ST7: variants seen among roughly 807,000 people sequenced by gnomAD.
The protein encoded by ST7 is suppression of tumorigenicity 7, also known as suppressor of tumorigenicity 7 protein.
ST7 carries 28 observed loss-of-function variants against 78.7 expected under a neutral mutation model. The ratio of observed to expected loss-of-function variants is 0.36; its 90% confidence interval spans 0.26 to 0.49. The LOEUF is 0.49. ST7 is among the 20% of genes least tolerant of loss of function. The pLI is 0.99. For missense variants in ST7, 418 were observed against 696.0 expected (o/e 0.60, Z 4.49); for synonymous variants, 247 against 249.6 (o/e 0.99, Z 0.10).
At chr7:117,050,613 C>T (rs1021823030) in intron 1 of ST7, among the ~76,000 whole-genome samples, 3 of 152,070 alleles carry the variant, frequency 2.0e-5, no homozygotes, top group African/African-American at 7.2e-5. Context: ...ATATATTTTA[C>T]ACATTCATGA....
chr7:117,022,887 ATGTT>A (rs1388082837), intron 1 of ST7: 1 of 152,100 alleles, frequency 6.6e-6, no homozygotes. Flanking sequence ...ATTTTTGCCC[ATGTT>A]TATACCCATA....
In ST7 at chr7:117,073,645, CCTTAACTTCT is replaced by C. The variant is rs1040068304; in HGVS notation, c.152-26114_152-26105del. Among the ~76,000 whole-genome samples, 4 of 152,154 alleles carry C rather than the reference CCTTAACTTCT, an allele frequency of 2.6e-5. 1 individual carries two copies. Among genetic ancestry groups the C allele is most frequent in the African/African-American group, 9.7e-5 (4 of 41,430 alleles). On this transcript the variant is annotated intron_variant, in intron 1 of 15. Coordinates refer to ENST00000323984, the MANE Select transcript of ST7 (RefSeq NM_001369598.1). Reference sequence around the variant, plus strand: ...CTGCCACTACTCGTATGACTCAAGTCCTTAACTTCTCTATACCTGTTACCCCATCTGTAAA... The same window carrying C: ...CTGCCACTACTCGTATGACTCAAGTCCTATACCTGTTACCCCATCTGTAAA...
chr7:116,983,986 T>G (rs572630948), intron 1 of ST7, among the ~76,000 whole-genome samples: 6 of 152,308 alleles, frequency 3.9e-5, no homozygotes, highest in Non-Finnish European at 8.8e-5. Flanking sequence ...GTTCTTAAGG[T>G]GATATCGATC....
intron 1 of ST7, among the ~76,000 whole-genome samples, chr7:117,007,057 C>G (rs1207652987): frequency 6.6e-6 from 1 of 152,138 alleles, no homozygotes. Flanking sequence ...CCTACAGTGA[C>G]TTATAAGTGT....
intron 10 of ST7, among the ~76,000 whole-genome samples, chr7:117,178,902 TC>T (rs1308729960): frequency 6.6e-6 from 1 of 152,214 alleles, no homozygotes; most frequent in Non-Finnish European, 1.5e-5. Context: ...AGAGTCATTC[TC>T]CCTAAGATGA....
At chr7:116,968,515 G>T in intron 1 of ST7, 1 of 408,946 alleles carries the variant, frequency 2.4e-6, no homozygotes, top group South Asian at 1.7e-5. Flanking sequence ...CTTAGAAAAG[G>T]ACTTTATGTT....
chr7:117,026,758 C>G (rs1796202954), intron 1 of ST7, among the ~76,000 whole-genome samples: 1 of 152,148 alleles, frequency 6.6e-6, no homozygotes, highest in African/African-American at 2.4e-5. Context: ...CTTTGGGGGC[C>G]TGGATATCTG....
In ST7 at chr7:117,009,862, A is replaced by G. The variant is rs185159760; in HGVS notation, c.151+56171A>G. Among the ~76,000 whole-genome samples, 130 of 152,234 alleles carry G rather than the reference A, an allele frequency of 8.5e-4. 2 individuals carry two copies. The highest frequency in any genetic ancestry group is 8.5e-3 in the East Asian group (44 of 5,174). ...TTAGTTCTCTTGAGGCCACTGTAAGAAGGGAGTGGCCCTACAACCATGTAA... is the reference window on the plus strand; with the variant it reads ...TTAGTTCTCTTGAGGCCACTGTAAGGAGGGAGTGGCCCTACAACCATGTAA... On this transcript the variant is annotated intron_variant, in intron 1 of 15. Transcript: ENST00000323984.
chr7:116,958,138 G>T (rs1413780998), intron 1 of ST7, among the ~76,000 whole-genome samples: 1 of 151,338 alleles, frequency 6.6e-6, no homozygotes, highest in Non-Finnish European at 1.5e-5. Context: ...TGAGACTACA[G>T]GTGCACACCA....
intron 6 of ST7, 140 bp downstream of exon 6, chr7:117,132,100 AGT>A (rs987106714): frequency 1.2e-5 from 10 of 862,462 alleles, no homozygotes; most frequent in African/African-American, 3.4e-5. Flanking sequence ...TATTTAAAAA[AGT>A]TTTTTTTTTA....
chr7:117,056,458 C>T (rs1257212310), intron 1 of ST7, among the ~76,000 whole-genome samples: 1 of 151,944 alleles, frequency 6.6e-6, no homozygotes, highest in Admixed American at 6.6e-5. Context: ...CATGGAGAAA[C>T]CCCATCTCTA....
At chr7:117,117,355 T>C (rs898993776) in intron 2 of ST7, among the ~76,000 whole-genome samples, 5 of 152,152 alleles carry the variant, frequency 3.3e-5, no homozygotes, top group Non-Finnish European at 7.4e-5. Flanking sequence ...AGGGGCTAAG[T>C]CTGTAATCCT....
intron 15 of ST7, among the ~76,000 whole-genome samples, chr7:117,224,158 T>C (rs770729018): frequency 3.0e-4 from 46 of 152,222 alleles, no homozygotes; most frequent in Non-Finnish European, 1.2e-4. Context: ...AACTTTTCCT[T>C]GTACTGTAAA....
chr7:117,131,616 C>T (rs78343949), intron 5 of ST7, among the ~76,000 whole-genome samples: 2 of 151,854 alleles, frequency 1.3e-5, no homozygotes, highest in East Asian at 3.9e-4. Flanking sequence ...GTGCAAAAGA[C>T]ACGCAAAATC....
chr7:117,157,392 G>A (rs937175064), intron 9 of ST7, among the ~76,000 whole-genome samples: 24 of 152,182 alleles, frequency 1.6e-4, no homozygotes, highest in Admixed American at 6.5e-5. Flanking sequence ...GATTCCAGGA[G>A]GGTTCAGTGG....
intron 1 of ST7, among the ~76,000 whole-genome samples, chr7:117,035,706 C>T (rs1796860360): frequency 6.6e-6 from 1 of 152,104 alleles, no homozygotes; most frequent in Admixed American, 6.5e-5. Context: ...TTGGAATTTT[C>T]TCTACCTCAC....
At chr7:117,229,488 A>G (rs930229713) in intron 15 of ST7, among the ~76,000 whole-genome samples, 1 of 152,190 alleles carries the variant, frequency 6.6e-6, no homozygotes, top group Admixed American at 6.5e-5. Flanking sequence ...GCTAAAGACT[A>G]GCAGGAAGAC....
intron 5 of ST7, 72 bp from the exon 6 acceptor site, chr7:117,131,813 C>A: frequency 2.2e-6 from 3 of 1,336,138 alleles, no homozygotes; most frequent in Non-Finnish European, 3.2e-6. Context: ...CCTAATTTAG[C>A]TCTTGTCCTC....
intron 1 of ST7, among the ~76,000 whole-genome samples, chr7:117,021,098 A>G (rs1435920881): frequency 6.6e-6 from 1 of 152,210 alleles, no homozygotes; most frequent in African/African-American, 2.4e-5. Context: ...TTATAGGTAG[A>G]TTCAGAATGA....
Sources: allele counts gnomAD v4.1 joint callset (sites outside exome capture counted in the v4.1 genomes callset), GRCh38; gene constraint gnomAD v4.1.1; transcripts MANE v1.5; gene names NCBI Gene and HGNC (gene_info 2026-07-23, HGNC 2026-07-21).